Variants in ESRRB observed in about 807,000 individuals in gnomAD.
ESRRB encodes the protein estrogen related receptor beta.
ESRRB carries 16 observed loss-of-function variants against 46.0 expected under a neutral mutation model. The ratio of observed to expected loss-of-function variants is 0.35; its 90% CI spans 0.24 to 0.53. The LOEUF is 0.53. Among genes scored for constraint, ESRRB ranks in the 20% least tolerant of loss-of-function variants. ESRRB has a pLI of 0.93. For missense variants in ESRRB, 488 were observed against 607.4 expected (o/e 0.80, Z 2.07); for synonymous variants, 246 against 259.6 (o/e 0.95, Z 0.50).
chr14:76,405,216 C>G (rs2139848166), intron 1 of ESRRB, among the ~76,000 whole-genome samples: 1 of 152,294 alleles, frequency 6.6e-6, no homozygotes. Flanking sequence ...ATCCTCCCAC[C>G]TCAGCCTCCC....
At chr14:76,430,283 A>G (rs1297456000) in intron 1 of ESRRB, among the ~76,000 whole-genome samples, 2 of 152,184 alleles carry the variant, frequency 1.3e-5, no homozygotes, top group Non-Finnish European at 2.9e-5. Context: ...ATAGCTCTTG[A>G]TGGCCCCTGG....
chr14:76,430,851 C>G (rs1204847043), intron 1 of ESRRB, among the ~76,000 whole-genome samples: 5 of 152,260 alleles, frequency 3.3e-5, no homozygotes, highest in Admixed American at 2.6e-4. Context: ...GTCCTTCAGC[C>G]TGACCCAGAT....
intron 3 of ESRRB, among the ~76,000 whole-genome samples, chr14:76,467,941 C>T (rs936991188): frequency 3.3e-5 from 5 of 152,188 alleles, no homozygotes; most frequent in African/African-American, 1.2e-4. Context: ...CCCTGCCTGC[C>T]TTTCCCCAAG....
chr14:76,465,745 G>C (rs1435760334), intron 3 of ESRRB, among the ~76,000 whole-genome samples: 3 of 152,234 alleles, frequency 2.0e-5, no homozygotes, highest in Non-Finnish European at 4.4e-5. Context: ...AGTTCTGCCT[G>C]AAGGAGGAAG....
At chr14:76,317,308 CTCTG>C (rs1415458042) in intron 1 of ESRRB, among the ~76,000 whole-genome samples, 72 of 125,234 alleles carry the variant, frequency 5.7e-4, no homozygotes, top group African/African-American at 2.1e-3. Context: ...GCTGATTAGG[CTCTG>C]TGTGTGTGTG....
chr14:76,500,592 C>G lies in ESRRB; in HGVS notation c.*2134C>G, dbSNP rs913742355. On this transcript the variant is annotated 3_prime_UTR_variant, in exon 7 of 7. Coordinates refer to ENST00000644823, the MANE Select transcript of ESRRB (RefSeq NM_001379180.1). ...CTCTCACTGTGCTGTGTCCTTGCAG[C>G]GGGGCCGAGGTAGCACCCTGCTCTG... The G allele has an allele frequency of 3.5e-6, 4 of 1,155,908 alleles. No homozygotes were observed. Among genetic ancestry groups the G allele is most frequent in the Non-Finnish European group, 5.2e-6 (4 of 768,144 alleles). The allele number at this position is 1,155,908 out of a possible 1,614,324, so 71.6% of individuals were successfully genotyped here.
chr14:76,373,431 G>C (rs373382514), upstream of ESRRB, among the ~76,000 whole-genome samples: 28 of 152,260 alleles, frequency 1.8e-4, no homozygotes, highest in African/African-American at 6.5e-4. Context: ...GTCCTTTACT[G>C]TCCCATACTG....
At chr14:76,419,680 G>A (rs1886857058) in intron 1 of ESRRB, among the ~76,000 whole-genome samples, 1 of 152,164 alleles carries the variant, frequency 6.6e-6, no homozygotes, top group South Asian at 2.1e-4. Flanking sequence ...GCACTTTGAA[G>A]GTCGTATTCT....
chr14:76,387,514 C>T (rs903142905), intron 1 of ESRRB, among the ~76,000 whole-genome samples: 2 of 152,224 alleles, frequency 1.3e-5, no homozygotes, highest in African/African-American at 4.8e-5. Flanking sequence ...CCTTTCCGAG[C>T]CCTGCTCCAT....
At chr14:76,443,468 A>G (rs72731659) in intron 2 of ESRRB, among the ~76,000 whole-genome samples, 12,611 of 151,834 alleles carry the variant, frequency 0.083, 820 homozygotes, top group African/African-American at 0.18. Flanking sequence ...CTCCAGTATG[A>G]TGGTTTTTAC....
chr14:76,323,003 G>A (rs1288828039), intron 1 of ESRRB, among the ~76,000 whole-genome samples: 1 of 152,146 alleles, frequency 6.6e-6, no homozygotes, highest in Non-Finnish European at 1.5e-5. Flanking sequence ...CTTTCTGCTG[G>A]CTTCACTTTC....
rs375914790 is a variant in ESRRB, at chr14:76,447,071, C to G, written c.460+7321C>G. Among the ~76,000 whole-genome samples the G allele has an allele frequency of 1.1e-4, 16 of 152,216 alleles. No individual in the cohort carries two copies. The South Asian group carries it at 3.3e-3, about 32-fold the overall frequency. Reference sequence around the variant, plus strand: ...CTCTCTTCCATGTTCGCAGCTGCTTCCGTTCACTGATTCCGCAGCTATTTC... The same window carrying G: ...CTCTCTTCCATGTTCGCAGCTGCTTGCGTTCACTGATTCCGCAGCTATTTC... On this transcript the variant is annotated intron_variant, in intron 2 of 6. Transcript: ENST00000644823.
At chr14:76,405,763 A>G (rs1366217899) in intron 1 of ESRRB, among the ~76,000 whole-genome samples, 7 of 151,532 alleles carry the variant, frequency 4.6e-5, no homozygotes, top group African/African-American at 9.7e-5. Flanking sequence ...AAAAAAAAAA[A>G]GGTGTGGTGG....
intron 1 of ESRRB, among the ~76,000 whole-genome samples, chr14:76,358,324 AAAG>A (rs1884411479): frequency 6.6e-4 from 5 of 7,610 alleles, no homozygotes; most frequent in African/African-American, 2.8e-3. Flanking sequence ...AAAAAAAAAA[AAAG>A]AAAGAAAGAA....
intron 1 of ESRRB, among the ~76,000 whole-genome samples, chr14:76,348,945 C>G (rs1225510276): frequency 1.3e-5 from 2 of 152,174 alleles, no homozygotes; most frequent in Non-Finnish European, 2.9e-5. Context: ...TGAGACACAC[C>G]TACCCTGTGG....
chr14:76,368,556 T>C (rs1477320705), upstream of ESRRB, among the ~76,000 whole-genome samples: 1 of 152,182 alleles, frequency 6.6e-6, no homozygotes, highest in African/African-American at 2.4e-5. Context: ...CTGGTGTTTA[T>C]CCATATTAAA....
intron 3 of ESRRB, among the ~76,000 whole-genome samples, chr14:76,473,800 G>A (rs902209291): frequency 6.6e-6 from 1 of 152,232 alleles, no homozygotes; most frequent in East Asian, 1.9e-4. Flanking sequence ...GATGTGTAAG[G>A]TGCCGGCTGT....
intron 1 of ESRRB, among the ~76,000 whole-genome samples, chr14:76,426,916 T>C (rs1047898718): frequency 1.2e-4 from 19 of 152,214 alleles, no homozygotes; most frequent in African/African-American, 4.3e-4. Flanking sequence ...GGTAGTTGAA[T>C]GAGTGACAGT....
At chr14:76,324,466 G>C (rs577737829) in intron 1 of ESRRB, among the ~76,000 whole-genome samples, 1 of 152,296 alleles carries the variant, frequency 6.6e-6, no homozygotes, top group Admixed American at 6.5e-5. Context: ...AGGACAGAGA[G>C]ACGATGGGAG....
Sources: gnomAD v4.1 joint callset for allele counts (sites outside exome capture counted in the v4.1 genomes callset) on GRCh38, gnomAD v4.1.1 for gene constraint, MANE v1.5 for transcripts, NCBI Gene and HGNC (gene_info 2026-07-23, HGNC 2026-07-21) for gene names.